Variants in EML1 observed in about 807,000 individuals in gnomAD.
The protein encoded by EML1 is EMAP like 1, also known as echinoderm microtubule-associated protein-like 1.
EML1 carries 27 observed loss-of-function variants against 110.4 expected under a neutral mutation model. That is an observed-to-expected ratio of 0.24 (90% CI 0.18 to 0.34). EML1 has a LOEUF of 0.34. Among genes scored for constraint, EML1 ranks in the 10% least tolerant of loss-of-function variants. The probability of loss-of-function intolerance (pLI) is 1.00; values close to 1 mark genes in which losing one functional copy is unlikely to be tolerated. For missense variants in EML1, 741 were observed against 1,030.9 expected (o/e 0.72, Z 3.85); for synonymous variants, 344 against 385.8 (o/e 0.89, Z 1.27).
chr14:99,914,779 A>C (rs1016681469), intron 15 of EML1, 82 bp downstream of exon 15: 1 of 1,488,584 alleles, frequency 6.7e-7, no homozygotes, highest in African/African-American at 1.4e-5. Context: ...TGAAATCAAC[A>C]GTGATACAAA....
At chr14:99,829,735 A>T (rs1052043664) in intron 1 of EML1, among the ~76,000 whole-genome samples, 2 of 152,366 alleles carry the variant, frequency 1.3e-5, no homozygotes, top group African/African-American at 4.8e-5. Context: ...TAGATGAAAT[A>T]TAATATTTGT....
chr14:99,784,096 T>TC lies in EML1; in HGVS notation c.-27+10084dup, dbSNP rs1466243985. 1.3e-5 allele frequency among the ~76,000 whole-genome samples: 2 copies of TC among 152,150 alleles called. No individual in the cohort carries two copies. Among genetic ancestry groups the TC allele is most frequent in the East Asian group, 3.9e-4 (2 of 5,170 alleles). ...TAAATGTAAGGACTTTTTCTTGTCT[T>TC]CTTTTTTTTTTTGAGATAGGATCTT... is the stretch of plus-strand genomic sequence containing the variant. On this transcript the variant is annotated intron_variant, in intron 1 of 22. Coordinates refer to the EML1 transcript ENST00000327921. The surrounding 1 kb of genome is among the most constrained non-coding windows in gnomAD (Gnocchi z 4.5).
chr14:99,921,827 A>G (rs1208066679), intron 17 of EML1, among the ~76,000 whole-genome samples: 2 of 152,200 alleles, frequency 1.3e-5, no homozygotes, highest in African/African-American at 2.4e-5. Flanking sequence ...GAGCTATGCA[A>G]CAACCATCAC....
chr14:99,786,061 CAAAAAAAAA>C (rs56240053), intron 1 of EML1, among the ~76,000 whole-genome samples: 1 of 120,404 alleles, frequency 8.3e-6, no homozygotes, highest in Non-Finnish European at 1.8e-5. Context: ...CCTGGCTGCT[CAAAAAAAAA>C]AAAAAAAAAA....
intron 1 of EML1, among the ~76,000 whole-genome samples, chr14:99,830,101 A>G (rs1215023695): frequency 1.3e-5 from 2 of 152,180 alleles, no homozygotes; most frequent in African/African-American, 2.4e-5. Context: ...ACCATTTTAC[A>G]TTCCTACCAG....
intron 19 of EML1, among the ~76,000 whole-genome samples, chr14:99,937,239 C>G (rs2060491702): frequency 6.6e-6 from 1 of 152,198 alleles, no homozygotes; most frequent in Non-Finnish European, 1.5e-5. Context: ...GCCGCACCGT[C>G]TCACCTCCTC....
At chr14:99,909,591 A>G in intron 11 of EML1, 112 bp downstream of exon 11, 1 of 1,384,372 alleles carries the variant, frequency 7.2e-7, no homozygotes, top group Non-Finnish European at 1.0e-6. Context: ...TCCCTCACAT[A>G]GTTGGGAAGC....
intron 1 of EML1, among the ~76,000 whole-genome samples, chr14:99,739,102 G>C (rs12887623): frequency 7.9e-5 from 9 of 114,216 alleles, no homozygotes; most frequent in African/African-American, 2.8e-4. Flanking sequence ...GAGAGAGAGA[G>C]ACAGAGAGAG....
At chr14:99,873,359 A>G (rs2059236164) in intron 3 of EML1, among the ~76,000 whole-genome samples, 1 of 152,270 alleles carries the variant, frequency 6.6e-6, no homozygotes, top group South Asian at 2.1e-4. Flanking sequence ...TGTTAGAAGT[A>G]CAGCATTTGT....
intron 20 of EML1, 70 bp downstream of exon 20, chr14:99,937,982 T>C: frequency 6.7e-7 from 1 of 1,487,970 alleles, no homozygotes; most frequent in Admixed American, 1.7e-5. Flanking sequence ...CTTCAGTTGC[T>C]ACGGAGTCTC....
chr14:99,831,537 A>G (rs571520116), intron 1 of EML1, among the ~76,000 whole-genome samples: 2 of 152,290 alleles, frequency 1.3e-5, no homozygotes, highest in South Asian at 4.1e-4. Context: ...ATTCTAAGAG[A>G]GTAAAATGGT....
chr14:99,934,037 G>A (rs1158147938), intron 17 of EML1, among the ~76,000 whole-genome samples: 1 of 152,244 alleles, frequency 6.6e-6, no homozygotes, highest in East Asian at 1.9e-4. Flanking sequence ...GGAGGTTGCA[G>A]TGAGCTGAGA....
chr14:99,924,138 C>T (rs1163927371), intron 17 of EML1, among the ~76,000 whole-genome samples: 1 of 152,120 alleles, frequency 6.6e-6, no homozygotes, highest in East Asian at 1.9e-4. Flanking sequence ...TGTAGGTGTA[C>T]AAGTCTTGCA....
At chr14:99,883,929 AT>A (rs1341579277) in intron 4 of EML1, among the ~76,000 whole-genome samples, 5 of 152,236 alleles carry the variant, frequency 3.3e-5, no homozygotes, top group Non-Finnish European at 5.9e-5. Flanking sequence ...AGTCGAATGA[AT>A]CTTTTTGCCC....
At chr14:99,751,050 T>C (rs2057169324) in intron 1 of EML1, among the ~76,000 whole-genome samples, 1 of 152,094 alleles carries the variant, frequency 6.6e-6, no homozygotes, top group African/African-American at 2.4e-5. Context: ...GCCTCTTTTC[T>C]TAAAAAAGAA....
rs10150225 is a variant in EML1 at position 99,905,956 on chromosome 14, C to T, written c.1009-1682C>T. On this transcript the variant is annotated intron_variant, in intron 9 of 21. Transcript: ENST00000262233. This position sits in a 1 kb window ranked among gnomAD's most constrained non-coding sequence, Gnocchi z 4.1. ...CCCCCCTTACCCAAAATCAGCCATT[C>T]GGTGTGTACAGATGATTTTTCTTTG... 0.56 allele frequency among the ~76,000 whole-genome samples: 84,749 copies of T among 151,886 alleles called. 24,081 individuals are homozygous for T. The highest frequency in any genetic ancestry group is 0.67 in the African/African-American group (27,794 of 41,440).
At chr14:99,938,301 A>G (rs1165138600) in intron 20 of EML1, among the ~76,000 whole-genome samples, 1 of 152,212 alleles carries the variant, frequency 6.6e-6, no homozygotes, top group Non-Finnish European at 1.5e-5. Flanking sequence ...ACTTTCTTCA[A>G]CATTCACTTT....
chr14:99,868,754 C>A (rs1275536484), intron 3 of EML1, among the ~76,000 whole-genome samples: 2 of 151,804 alleles, frequency 1.3e-5, no homozygotes, highest in East Asian at 1.9e-4. Context: ...TTAAAAAAAA[C>A]AATTCTTGGT....
At chr14:99,888,731 CT>C (rs2059527925) in intron 4 of EML1, among the ~76,000 whole-genome samples, 1 of 152,182 alleles carries the variant, frequency 6.6e-6, no homozygotes, top group South Asian at 2.1e-4. Context: ...GTATAATGAA[CT>C]GAAGTGTTAC....
Sources: gnomAD v4.1 joint callset for allele counts (sites outside exome capture counted in the v4.1 genomes callset) on GRCh38, gnomAD v4.1.1 for gene constraint, Gnocchi (gnomAD v3.1) non-coding constraint, MANE v1.5 for transcripts, NCBI Gene and HGNC (gene_info 2026-07-23, HGNC 2026-07-21) for gene names.